SUSD1: variants seen among roughly 807,000 people sequenced by gnomAD.
The protein encoded by SUSD1 is sushi domain-containing protein 1.
Under a neutral mutation model 86.9 loss-of-function variants are expected in SUSD1, and 65 were observed. The observed-to-expected ratio is 0.75, with a 90% CI of 0.61 to 0.92. The LOEUF (loss-of-function observed/expected upper bound fraction) is 0.92, where lower values mean the gene tolerates loss of function less well. Among genes scored for constraint, SUSD1 ranks in the 40% least tolerant of loss-of-function variants. The probability of loss-of-function intolerance (pLI) is 0.00; values close to 1 mark genes in which losing one functional copy is unlikely to be tolerated. For synonymous variants in SUSD1, 346 were observed against 350.0 expected (o/e 0.99, Z 0.13); for missense variants, 850 against 929.7 (o/e 0.91, Z 1.11).
chr9:112,169,072 A>C (rs1833933823), intron 1 of SUSD1, among the ~76,000 whole-genome samples: 1 of 152,170 alleles, frequency 6.6e-6, no homozygotes. Flanking sequence ...GGTGGAAGGA[A>C]TCTGAGAAAT....
chr9:112,107,819 A>G (rs935687938), intron 8 of SUSD1, among the ~76,000 whole-genome samples: 16 of 152,360 alleles, frequency 1.1e-4, no homozygotes, highest in Admixed American at 4.6e-4. Context: ...TGTGAAACAA[A>G]CCAATAAGAA....
At chr9:112,090,371 A>G (rs1412343851) in intron 10 of SUSD1, among the ~76,000 whole-genome samples, 3 of 152,196 alleles carry the variant, frequency 2.0e-5, no homozygotes, top group Admixed American at 2.0e-4. Context: ...TCAAGGAATA[A>G]CCCCATAGAA....
intron 6 of SUSD1, among the ~76,000 whole-genome samples, chr9:112,122,799 T>C (rs1208853278): frequency 1.3e-5 from 2 of 152,306 alleles, no homozygotes; most frequent in East Asian, 3.9e-4. Flanking sequence ...ATATGAAGAA[T>C]GGAAATGTTG....
chr9:112,085,184 T>C (rs922972177), intron 10 of SUSD1, among the ~76,000 whole-genome samples: 4 of 152,188 alleles, frequency 2.6e-5, no homozygotes, highest in African/African-American at 7.2e-5. Flanking sequence ...TGGTATTGCA[T>C]TGACCCAGTG....
At chr9:112,157,210 T>C (rs548329234) in intron 2 of SUSD1, among the ~76,000 whole-genome samples, 5 of 152,344 alleles carry the variant, frequency 3.3e-5, no homozygotes, top group South Asian at 2.1e-4. Flanking sequence ...ACTTGAGTTG[T>C]GAAGTTAAAC....
intron 5 of SUSD1, among the ~76,000 whole-genome samples, chr9:112,125,211 A>C (rs1288000712): frequency 6.6e-6 from 1 of 152,248 alleles, no homozygotes; most frequent in Non-Finnish European, 1.5e-5. Flanking sequence ...GGTTTTACAG[A>C]AAACACCAAG....
At chr9:112,114,758 C>A (rs1653562370) in intron 6 of SUSD1, among the ~76,000 whole-genome samples, 1 of 152,148 alleles carries the variant, frequency 6.6e-6, no homozygotes, top group African/African-American at 2.4e-5. Context: ...CCAGCACATG[C>A]CATCTGGAAG....
chr9:112,087,668 A>C (rs1830040650), intron 10 of SUSD1, among the ~76,000 whole-genome samples: 1 of 152,182 alleles, frequency 6.6e-6, no homozygotes, highest in South Asian at 2.1e-4. Context: ...AAAACAACTG[A>C]AAATAATAAA....
intron 5 of SUSD1, among the ~76,000 whole-genome samples, chr9:112,137,290 A>T (rs1832308221): frequency 6.6e-6 from 1 of 151,708 alleles, no homozygotes; most frequent in Admixed American, 6.6e-5. Context: ...GAGGAGGAGG[A>T]AGGTGTCAGC....
chr9:112,142,961 CTTTTTTTTTTTTT>C (rs529470594), intron 4 of SUSD1, among the ~76,000 whole-genome samples: 67 of 30,212 alleles, frequency 2.2e-3, no homozygotes, highest in African/African-American at 3.5e-3. Flanking sequence ...TGAATTTTAG[CTTTTTTTTTTTTT>C]TTTTTTTTTT....
intron 14 of SUSD1, among the ~76,000 whole-genome samples, chr9:112,055,664 C>T (rs1435681429): frequency 6.6e-6 from 1 of 152,104 alleles, no homozygotes; most frequent in Admixed American, 6.6e-5. Context: ...GGTATATACA[C>T]AAAAGAACTG....
intron 9 of SUSD1, among the ~76,000 whole-genome samples, chr9:112,099,039 CTCTCTCTCTCTCT>C (rs1210465194): frequency 1.3e-3 from 191 of 151,720 alleles, no homozygotes; most frequent in African/African-American, 4.4e-3. Flanking sequence ...CTCTCTCTCT[CTCTCTCTCTCTCT>C]CTCTGTCTCT....
At chr9:112,096,378 A>G (rs1438693975) in intron 10 of SUSD1, among the ~76,000 whole-genome samples, 1 of 152,186 alleles carries the variant, frequency 6.6e-6, no homozygotes, top group African/African-American at 2.4e-5. Context: ...AAGGAGTAGC[A>G]TCTATTACAA....
chr9:112,107,859 A>T (rs1830917940), intron 8 of SUSD1, among the ~76,000 whole-genome samples: 1 of 152,248 alleles, frequency 6.6e-6, no homozygotes, highest in African/African-American at 2.4e-5. Context: ...ATGGCAATCC[A>T]TGTTAAAAAT....
intron 5 of SUSD1, among the ~76,000 whole-genome samples, chr9:112,140,588 A>T (rs545615947): frequency 1.3e-5 from 2 of 152,302 alleles, no homozygotes; most frequent in Non-Finnish European, 2.9e-5. Flanking sequence ...CAAAATTTTT[A>T]AAAAACTAAC....
intron 6 of SUSD1, among the ~76,000 whole-genome samples, chr9:112,117,558 T>A (rs1831379909): frequency 6.6e-6 from 1 of 152,222 alleles, no homozygotes; most frequent in Non-Finnish European, 1.5e-5. Flanking sequence ...GTTATGTATA[T>A]ATAGATATAG....
chr9:112,079,764 G>A (rs988222082), intron 11 of SUSD1, among the ~76,000 whole-genome samples: 10 of 151,846 alleles, frequency 6.6e-5, no homozygotes, highest in Non-Finnish European at 1.2e-4. Context: ...CACTACGCTC[G>A]GCTAATTTTT....
intron 5 of SUSD1, among the ~76,000 whole-genome samples, chr9:112,133,781 C>T (rs1666869903): frequency 1.3e-5 from 2 of 152,266 alleles, no homozygotes. Context: ...AAACTGATAG[C>T]CTACAGAATG....
At chr9:112,103,108 G>C (rs1275045976) in intron 8 of SUSD1, 2 of 454,808 alleles carry the variant, frequency 4.4e-6, no homozygotes, top group African/African-American at 4.1e-5. Flanking sequence ...GTCTACCAGA[G>C]AGAAGCTATT....
Sources: gnomAD v4.1 joint callset for allele counts (sites outside exome capture counted in the v4.1 genomes callset) on GRCh38, gnomAD v4.1.1 for gene constraint, MANE v1.5 for transcripts, NCBI Gene and HGNC (gene_info 2026-07-23, HGNC 2026-07-21) for gene names.